The following HMGN1 variants were observed in gnomAD, a reference collection of about 807,000 sequenced individuals.
HMGN1 encodes the protein non-histone chromosomal protein HMG-14.
In HMGN1, 9 loss-of-function variants were observed where a neutral mutation model predicts 18.4. The observed-to-expected ratio is 0.49, with a 90% confidence interval of 0.29 to 0.85. HMGN1 has a LOEUF of 0.85. HMGN1 is among the 40% of genes least tolerant of loss of function. The pLI is 0.07. For missense variants in HMGN1, 151 were observed against 119.2 expected, an observed-to-expected ratio of 1.27 and a Z score of -1.24; for synonymous variants, 59 against 45.0, an observed-to-expected ratio of 1.31 and a Z score of -1.24.
chr21:39,348,163 G>A, intron 4 of HMGN1, 129 bp downstream of exon 4: 9 of 1,277,614 alleles, frequency 7.0e-6, no homozygotes, highest in South Asian at 2.7e-5. Flanking sequence ...TCGACCACTA[G>A]AAAAATTATT....
intron 4 of HMGN1, chr21:39,345,992 A>G: frequency 7.9e-7 from 1 of 1,269,454 alleles, no homozygotes; most frequent in Non-Finnish European, 1.0e-6. Context: ...GACCATACTA[A>G]CTTGATACAT....
rs747055042 is a variant in HMGN1 at position 39,348,581 on chromosome 21, C to A, written c.16-4G>T. On this transcript the variant is annotated splice_region_variant and splice_polypyrimidine_tract_variant and intron_variant, in intron 1 of 5. Coordinates refer to ENST00000380749, the MANE Select transcript of HMGN1 (RefSeq NM_004965.7). Reference sequence around the variant, plus strand: ...CGGCGCCTTCGGCGGAGCTGACCTGCGGAGACGGAGACGCACGAATAGAGG... The same window carrying A: ...CGGCGCCTTCGGCGGAGCTGACCTGAGGAGACGGAGACGCACGAATAGAGG... The A allele has an allele frequency of 1.3e-6, 2 of 1,580,590 alleles. No individual in the cohort carries two copies. Among genetic ancestry groups the A allele is most frequent in the African/African-American group, 1.4e-5 (1 of 73,672 alleles).
intron 1 of HMGN1, 53 bp from the exon 2 acceptor site, chr21:39,348,630 G>C: frequency 1.8e-5 from 27 of 1,509,372 alleles, no homozygotes; most frequent in Non-Finnish European, 2.3e-5. Flanking sequence ...CAGGACTCGC[G>C]GGCCCGCCCG....
intron 4 of HMGN1, chr21:39,346,162 G>A (rs180830451): frequency 1.1e-5 from 4 of 358,494 alleles, no homozygotes; most frequent in Admixed American, 3.9e-5. Flanking sequence ...AGACCCATAC[G>A]GATACTGACC....
At chr21:39,345,109 TCA>T (rs3067492) in intron 5 of HMGN1, 35 bp downstream of exon 5, 47,850 of 1,347,774 alleles carry the variant, frequency 0.036, 275 homozygotes, top group African/African-American at 0.047. Context: ...GTCAAAGCAA[TCA>T]CACACACACA....
At position 39,348,471 on chromosome 21, in the gene HMGN1, G is replaced by C. The variant is rs2037143547; in HGVS notation, c.49-20C>G. On this transcript the variant is annotated intron_variant, in intron 2 of 5. Coordinates refer to ENST00000380749, the MANE Select transcript of HMGN1 (RefSeq NM_004965.7). ...CTTGGGCTTGGAGAAAGAAAAAGGA[G>C]AGTCAGCGAGAAGAGAAGGCAGGCC... is the stretch of plus-strand genomic sequence containing the variant. 2 of 1,614,038 alleles carry C rather than the reference G, an allele frequency of 1.2e-6. No homozygotes were observed. The highest frequency in any genetic ancestry group is 3.3e-5 in the Admixed American group (2 of 60,004).
intron 4 of HMGN1, chr21:39,347,613 C>A: frequency 2.5e-6 from 1 of 402,486 alleles, no homozygotes; most frequent in South Asian, 1.8e-5. Flanking sequence ...GGTTTCAATG[C>A]TATATCCAAA....
intron 5 of HMGN1, 76 bp from the exon 6 acceptor site, chr21:39,343,235 TA>T (rs1295582332): frequency 2.1e-6 from 3 of 1,398,794 alleles, no homozygotes; most frequent in African/African-American, 2.9e-5. Flanking sequence ...ATCAGGTCTT[TA>T]AAAAAGTCAA....
Position 39,345,283 on chromosome 21 carries a change from GA to G in HMGN1, c.127-10del, listed in dbSNP as rs1178234536. 32 of 1,607,096 alleles carry G rather than the reference GA, an allele frequency of 2.0e-5. No homozygotes were observed. Among genetic ancestry groups the G allele is most frequent in the Non-Finnish European group, 2.7e-5 (32 of 1,174,644 alleles). On this transcript the variant is annotated splice_polypyrimidine_tract_variant and intron_variant, in intron 4 of 5. Transcript: ENST00000380749. The stretch of plus-strand genomic sequence containing the variant: ...TTGTCTGAAGATTTATCCTATGATA[GA>G]ATAAGAATATATTTTAAGTACATGC...
chr21:39,345,356 G>A, intron 4 of HMGN1, 82 bp from the exon 5 acceptor site: 1 of 1,378,012 alleles, frequency 7.3e-7, no homozygotes, highest in Non-Finnish European at 1.0e-6. Context: ...CTTCATGTCA[G>A]ACAAGTAATG....
At chr21:39,346,180 TG>T in intron 4 of HMGN1, 1 of 353,158 alleles carries the variant, frequency 2.8e-6, no homozygotes, top group Non-Finnish European at 5.5e-6. Context: ...ACCAATTACT[TG>T]AATTAAAGGG....
chr21:39,346,573 A>T (rs1442253297), intron 4 of HMGN1: 1 of 152,462 alleles, frequency 6.6e-6, no homozygotes, highest in Non-Finnish European at 1.5e-5. Flanking sequence ...AGATTAAAAA[A>T]AAATCAATCA....
chr21:39,346,371 T>A (rs376740709), intron 4 of HMGN1: 177 of 167,700 alleles, frequency 1.1e-3, no homozygotes, highest in African/African-American at 4.2e-3. Flanking sequence ...CTACACACAT[T>A]GCTATCACAA....
At chr21:39,345,667 C>A in intron 4 of HMGN1, 1 of 433,464 alleles carries the variant, frequency 2.3e-6, no homozygotes, top group Non-Finnish European at 4.3e-6. Context: ...ACCACTGTCG[C>A]CATCATCCAC....
intron 4 of HMGN1, chr21:39,347,364 A>G: frequency 3.6e-6 from 4 of 1,098,092 alleles, no homozygotes; most frequent in Non-Finnish European, 3.5e-6. Context: ...AAGAAAAAAC[A>G]TCTTTGTTTT....
intron 4 of HMGN1, chr21:39,347,287 A>T (rs1322190508): frequency 3.2e-6 from 3 of 926,390 alleles, no homozygotes; most frequent in African/African-American, 1.7e-5. Context: ...ACAAAAACAG[A>T]ACTTTCTGTT....
Position 39,348,336 on chromosome 21 carries a change from G to A in HMGN1, c.82C>T (p.Pro28Ser), listed in dbSNP as rs139888239. ...KRRSARLSAK[P>S]PAKVEAKPKK... is the part of the protein sequence containing the mutation. ...GGCTTCGCTTCCACTTTTGCAGGAG[G>A]TTTCTGAAAGGCAAAAGCAGCACTG... Residue 28 changes from proline (P) to serine (S), a missense_variant, in exon 4 of 6, where the codon CCT (proline) becomes TCT (serine). Pro to Ser is a moderately conservative substitution (Grantham distance 74). Transcript: ENST00000380749. The A allele has an allele frequency of 1.3e-4, 205 of 1,614,020 alleles. No homozygotes were observed. Among genetic ancestry groups the A allele is most frequent in the Non-Finnish European group, 1.6e-4 (191 of 1,180,040 alleles).
intron 1 of HMGN1, 142 bp downstream of exon 1, chr21:39,348,761 G>T: frequency 1.9e-6 from 2 of 1,062,088 alleles, no homozygotes; most frequent in Non-Finnish European, 2.5e-6. Flanking sequence ...GCCGCCGAGC[G>T]CTCGCCTGCC....
intron 5 of HMGN1, 72 bp from the exon 6 acceptor site, chr21:39,343,231 T>A: frequency 7.0e-7 from 1 of 1,423,904 alleles, no homozygotes; most frequent in South Asian, 1.3e-5. Context: ...AACTATCAGG[T>A]CTTTAAAAAA....
Sources: allele counts gnomAD v4.1 joint callset, GRCh38; gene constraint gnomAD v4.1.1; transcripts MANE v1.5; gene names NCBI Gene and HGNC (gene_info 2026-07-23, HGNC 2026-07-21).